Variants in NCOR2 observed in about 807,000 individuals in gnomAD.
NCOR2 encodes the protein CTG repeat protein 26.
NCOR2 carries 81 observed loss-of-function variants against 262.9 expected under a neutral mutation model. That is an observed-to-expected ratio of 0.31 (90% CI 0.26 to 0.37). NCOR2 has a LOEUF of 0.37. Ranked by LOEUF, NCOR2 falls within the 10% of genes least tolerant of loss-of-function variation. The probability of loss-of-function intolerance (pLI) is 1.00; values close to 1 mark genes in which losing one functional copy is unlikely to be tolerated. For missense variants in NCOR2, 3,385 were observed against 3,621.4 expected (o/e 0.93, Z 1.68); for synonymous variants, 1,659 against 1,559.3 (o/e 1.06, Z -1.51).
rs750025507 is a variant in NCOR2, at chr12:124,545,562, C to T, written c.-164-9951G>A. Among the ~76,000 whole-genome samples, 7 of 152,190 alleles carry T rather than the reference C, an allele frequency of 4.6e-5. No individual in the cohort carries two copies. In the South Asian group the frequency reaches 6.2e-4, roughly 14 times the overall value. ...AGATGGGAAAACCAAGGCCCAAAGA[C>T]GCCAGGCAAGGGCAGCTCAGCCCGG... On this transcript the variant is annotated intron_variant, in intron 1 of 32. Transcript: ENST00000458234.
At chr12:124,507,567 A>G (rs1278662111) in intron 1 of NCOR2, among the ~76,000 whole-genome samples, 2 of 152,116 alleles carry the variant, frequency 1.3e-5, no homozygotes, top group African/African-American at 2.4e-5. Flanking sequence ...TCAGGACCCC[A>G]TGACGGCCAC....
In NCOR2 at chr12:124,482,061, G is replaced by A. The variant is rs2047520372; in HGVS notation, c.411+1535C>T. Among the ~76,000 whole-genome samples, 2 of 152,144 alleles carry A rather than the reference G, an allele frequency of 1.3e-5. No individual in the cohort carries two copies. The highest frequency in any genetic ancestry group is 2.1e-4 in the South Asian group (1 of 4,834). On this transcript the variant is annotated intron_variant, in intron 3 of 46. Coordinates refer to ENST00000405201, the Ensembl canonical transcript of NCOR2. This position sits in a 1 kb window ranked among gnomAD's most constrained non-coding sequence, Gnocchi z 6.3. ...GAGGTGGCCAGGGTGGAGTCCCTGA[G>A]TGCCAACAAGAACACAGCTGCATCC...
At chr12:124,439,336 G>A (rs2044664990) in intron 7 of NCOR2, among the ~76,000 whole-genome samples, 1 of 151,740 alleles carries the variant, frequency 6.6e-6, no homozygotes, top group Non-Finnish European at 1.5e-5. Context: ...GGGAGAGACA[G>A]AGACCCAGAG....
rs1444726646 is a variant in NCOR2, at chr12:124,378,043, C to T, written c.2167+194G>A. On this transcript the variant is annotated intron_variant, in intron 18 of 46. Coordinates refer to ENST00000405201, the Ensembl canonical transcript of NCOR2. This position sits in a 1 kb window ranked among gnomAD's most constrained non-coding sequence, Gnocchi z 4.2. ...CTGATTATTCTCAGTATTGTTATGGCCTTCATCCTTGTGCCCATTACTGGT... is the reference window on the plus strand; with the variant it reads ...CTGATTATTCTCAGTATTGTTATGGTCTTCATCCTTGTGCCCATTACTGGT... Among the ~76,000 whole-genome samples, 1 of 152,042 alleles carries T rather than the reference C, an allele frequency of 6.6e-6. No individual in the cohort carries two copies. The highest frequency in any genetic ancestry group is 6.5e-5 in the Admixed American group (1 of 15,274).
Position 124,327,490 on chromosome 12 carries a change from G to A in NCOR2, c.7102C>T (p.Leu2368=). 3 of 1,613,788 alleles carry A rather than the reference G, an allele frequency of 1.9e-6. No individual in the cohort carries two copies. The South Asian group carries it at 3.3e-5, about 18-fold the overall frequency. Residue 2368 remains leucine, a synonymous_variant, in exon 45 of 47, where the codon CTG becomes TTG. Coordinates refer to ENST00000405201, the Ensembl canonical transcript of NCOR2. ...GCGGGCAGGCTGGCACTGGCATTCA[G>A]AGGGTTAAAAGCATTGGCGCTGAGC...
chr12:124,373,662 AT>A (rs2039726815), intron 19 of NCOR2, among the ~76,000 whole-genome samples: 2 of 117,690 alleles, frequency 1.7e-5, no homozygotes, highest in Admixed American at 8.5e-5. Flanking sequence ...ACAGTGGACA[AT>A]CATGAGGCCA....
exon 38 of NCOR2, chr12:124,337,088 G>C: frequency 6.6e-7 from 1 of 1,511,354 alleles, no homozygotes; most frequent in Non-Finnish European, 8.9e-7. Context: ...CATGAGGGTA[G>C]GGTAGACCCC....
At chr12:124,384,218 C>G (rs1033392666) in intron 17 of NCOR2, among the ~76,000 whole-genome samples, 1 of 152,230 alleles carries the variant, frequency 6.6e-6, no homozygotes, top group Non-Finnish European at 1.5e-5. Context: ...CCGGCCCAGG[C>G]CCCCTTCTGC....
Position 124,429,611 on chromosome 12 carries a change from A to ACCT in NCOR2, c.1148_1149+1dup, listed in dbSNP as rs756686302. On this transcript the variant is annotated splice_donor_variant, in intron 10 of 46. Coordinates refer to ENST00000405201, the Ensembl canonical transcript of NCOR2. LOFTEE classifies it high-confidence loss of function. ...GAGGCCAGAGTCAGGGCCTGGACTC[A>ACCT]CCTCCTGCTCTGAGAGGCCATCGAT... The ACCT allele has an allele frequency of 6.3e-7, 1 of 1,598,130 alleles. No homozygotes were observed. The highest frequency in any genetic ancestry group is 8.5e-7 in the Non-Finnish European group (1 of 1,172,238).
chr12:124,483,546 A>G lies in NCOR2; in HGVS notation c.411+50T>C, dbSNP rs773823546. 68 of 1,448,642 alleles carry G rather than the reference A, an allele frequency of 4.7e-5. No homozygotes were observed. The highest frequency in any genetic ancestry group is 5.9e-5 in the Non-Finnish European group (64 of 1,092,764). The allele number at this position is 1,448,642 out of a possible 1,614,324, so 89.7% of individuals were successfully genotyped here. A position where few individuals can be genotyped will look rare whatever the true frequency, so the allele number is the denominator to read the frequency against. On this transcript the variant is annotated intron_variant, in intron 3 of 46. Transcript: ENST00000405201. The surrounding 1 kb of genome is among the most constrained non-coding windows in gnomAD (Gnocchi z 6.3). ...CCACCTCCCACCCAGCCCAACCAGC[A>G]GCAGAACCTCAAGCGGGAGAGGAGC...
chr12:124,494,485 T>A (rs752599160), intron 1 of NCOR2, among the ~76,000 whole-genome samples: 2 of 152,120 alleles, frequency 1.3e-5, no homozygotes, highest in African/African-American at 2.4e-5. Context: ...GGGCCCCCGC[T>A]GGGAAGTGGG....
intron 16 of NCOR2, among the ~76,000 whole-genome samples, chr12:124,395,848 A>G (rs2041621989): frequency 6.6e-6 from 1 of 152,218 alleles, no homozygotes; most frequent in African/African-American, 2.4e-5. Flanking sequence ...CCCAGCCAAC[A>G]GGCTGAGATC....
chr12:124,501,975 T>G (rs558589112), intron 1 of NCOR2, among the ~76,000 whole-genome samples: 4 of 152,206 alleles, frequency 2.6e-5, no homozygotes, highest in Non-Finnish European at 5.9e-5. Flanking sequence ...CACAAGACGC[T>G]GCGGAGCGCC....
chr12:124,387,078 G>A (rs1230802625), intron 16 of NCOR2, among the ~76,000 whole-genome samples: 1 of 152,252 alleles, frequency 6.6e-6, no homozygotes, highest in Non-Finnish European at 1.5e-5. Context: ...TTTAATGAAG[G>A]ATTTCCCATA....
At chr12:124,334,353 C>T in intron 41 of NCOR2, 71 bp downstream of exon 43, 1 of 1,190,478 alleles carries the variant, frequency 8.4e-7, no homozygotes, top group Non-Finnish European at 1.2e-6. Context: ...TCAGACCCAG[C>T]TCTGAGGCAG....
intron 13 of NCOR2, among the ~76,000 whole-genome samples, chr12:124,418,043 G>A (rs540490156): frequency 5.3e-5 from 8 of 150,800 alleles, no homozygotes; most frequent in South Asian, 2.1e-4. Context: ...CCTGGGCGAC[G>A]GTGTGAAACT....
At chr12:124,331,044 G>A in intron 43 of NCOR2, 146 bp from the exon 46 acceptor site, 2 of 706,852 alleles carry the variant, frequency 2.8e-6, no homozygotes. Flanking sequence ...GCCTGGGACA[G>A]GGCCAAGCGT....
chr12:124,341,788 C>A, intron 34 of NCOR2, 35 bp downstream of exon 36: 3 of 1,571,268 alleles, frequency 1.9e-6, no homozygotes, highest in Non-Finnish European at 1.7e-6. Flanking sequence ...GGAATAAGGC[C>A]AAACCCAGCG....
rs888870898 is a variant in NCOR2, at chr12:124,389,038, G to A, written c.1877-3151C>T. Among the ~76,000 whole-genome samples, 1 of 152,246 alleles carries A rather than the reference G, an allele frequency of 6.6e-6. No individual in the cohort carries two copies. The highest frequency in any genetic ancestry group is 2.4e-5 in the African/African-American group (1 of 41,458). ...CCTCTGACGCCGTCCCCAAGCCGCT[G>A]TGGGCGCGCGAGGTGCCCTTCCCCG... is the stretch of plus-strand genomic sequence containing the variant. On this transcript the variant is annotated intron_variant, in intron 16 of 46. Transcript: ENST00000405201. The surrounding 1 kb of genome is among the most constrained non-coding windows in gnomAD (Gnocchi z 4.4).
Sources: gnomAD v4.1 joint callset for allele counts (sites outside exome capture counted in the v4.1 genomes callset) on GRCh38, gnomAD v4.1.1 for gene constraint, Gnocchi (gnomAD v3.1) non-coding constraint, MANE v1.5 for transcripts, NCBI Gene and HGNC (gene_info 2026-07-23, HGNC 2026-07-21) for gene names.